The following VTI1A variants were observed in gnomAD, a reference collection of about 807,000 sequenced individuals.
VTI1A encodes vesicle transport through interaction with t-SNAREs homolog 1A.
VTI1A carries 22 observed loss-of-function variants against 34.9 expected under a neutral mutation model. That is an observed-to-expected ratio of 0.63 (90% CI 0.45 to 0.90). The LOEUF is 0.90. Among genes scored for constraint, VTI1A ranks in the 40% least tolerant of loss-of-function variants. The pLI is 0.00. For missense variants in VTI1A, 268 were observed against 275.6 expected (o/e 0.97, Z 0.20); for synonymous variants, 87 against 97.3 (o/e 0.89, Z 0.62).
At chr10:112,643,985 T>TAA (rs11288631) in intron 5 of VTI1A, among the ~76,000 whole-genome samples, 1 of 145,606 alleles carries the variant, frequency 6.9e-6, no homozygotes. Flanking sequence ...GAATAGGAGG[T>TAA]AAAAAAAAAA....
intron 7 of VTI1A, among the ~76,000 whole-genome samples, chr10:112,777,167 G>T (rs1357801649): frequency 6.6e-6 from 1 of 152,062 alleles, no homozygotes; most frequent in Non-Finnish European, 1.5e-5. Flanking sequence ...GTCAATTCCT[G>T]TCACTCTTTT....
chr10:112,587,644 TA>T (rs1403030188), intron 5 of VTI1A, among the ~76,000 whole-genome samples: 6 of 152,320 alleles, frequency 3.9e-5, no homozygotes, highest in African/African-American at 1.4e-4. Context: ...CAACTAAATG[TA>T]ATGACATTAC....
intron 5 of VTI1A, among the ~76,000 whole-genome samples, chr10:112,580,944 G>A (rs1027760125): frequency 1.1e-4 from 16 of 152,130 alleles, no homozygotes; most frequent in African/African-American, 3.9e-4. Context: ...TAGCCTGATA[G>A]TCCATAGCAA....
intron 5 of VTI1A, among the ~76,000 whole-genome samples, chr10:112,546,251 A>G (rs1262608226): frequency 1.3e-5 from 2 of 151,786 alleles, no homozygotes; most frequent in Admixed American, 6.6e-5. Context: ...AAATTTGGCC[A>G]GGTAGCTAGC....
intron 3 of VTI1A, among the ~76,000 whole-genome samples, chr10:112,518,764 T>G (rs1206224031): frequency 4.0e-5 from 6 of 150,632 alleles, no homozygotes; most frequent in Admixed American, 1.3e-4. Context: ...CAGTAGAGGG[T>G]GAAACATTGA....
the VTI1A span, among the ~76,000 whole-genome samples, chr10:112,839,941 G>A: frequency 6.6e-6 from 1 of 152,168 alleles, no homozygotes; most frequent in Non-Finnish European, 1.5e-5. Context: ...GGGGCTTCAG[G>A]CACATTCCTG....
At chr10:112,810,132 G>T (rs1304004839) in intron 7 of VTI1A, among the ~76,000 whole-genome samples, 1 of 151,960 alleles carries the variant, frequency 6.6e-6, no homozygotes, top group Non-Finnish European at 1.5e-5. Context: ...GCCTGGCATG[G>T]TGGCTCACAC....
chr10:112,675,626 G>A (rs573702797), intron 7 of VTI1A, among the ~76,000 whole-genome samples: 25 of 152,286 alleles, frequency 1.6e-4, no homozygotes, highest in African/African-American at 6.0e-4. Flanking sequence ...TAACAACACC[G>A]TGCAGCAGAA....
At chr10:112,539,562 T>C (rs1850783491) in intron 5 of VTI1A, among the ~76,000 whole-genome samples, 1 of 152,190 alleles carries the variant, frequency 6.6e-6, no homozygotes, top group African/African-American at 2.4e-5. Flanking sequence ...GTTCTTTTTG[T>C]TTGGGAGCTC....
At chr10:112,808,624 CAAAAAAA>C (rs760656671) in intron 7 of VTI1A, among the ~76,000 whole-genome samples, 2 of 59,592 alleles carry the variant, frequency 3.4e-5, no homozygotes, top group Admixed American at 2.0e-4. Flanking sequence ...GACTCCATCT[CAAAAAAA>C]AAAAAAAAAA....
intron 5 of VTI1A, among the ~76,000 whole-genome samples, chr10:112,582,261 AC>A (rs1843978937): frequency 6.6e-6 from 1 of 152,048 alleles, no homozygotes; most frequent in East Asian, 1.9e-4. Flanking sequence ...CATCATGCAG[AC>A]CTCGATCCCA....
chr10:112,592,481 C>T (rs1844431793), intron 5 of VTI1A, among the ~76,000 whole-genome samples: 1 of 152,208 alleles, frequency 6.6e-6, no homozygotes. Context: ...AAAATCACTC[C>T]TGCATCTGTT....
At chr10:112,788,993 A>T (rs1852378538) in intron 7 of VTI1A, among the ~76,000 whole-genome samples, 1 of 152,154 alleles carries the variant, frequency 6.6e-6, no homozygotes, top group South Asian at 2.1e-4. Context: ...TGATTATCAT[A>T]TCTACACATG....
chr10:112,578,610 T>C (rs1043122005), intron 5 of VTI1A, among the ~76,000 whole-genome samples: 1 of 152,234 alleles, frequency 6.6e-6, no homozygotes, highest in African/African-American at 2.4e-5. Context: ...TTTCAAACTT[T>C]ATCCATATGA....
At chr10:112,642,977 C>CTTTTTTTTTTTTTTTT (rs58619611) in intron 5 of VTI1A, among the ~76,000 whole-genome samples, 72 of 121,006 alleles carry the variant, frequency 6.0e-4, no homozygotes, top group Admixed American at 7.5e-4. Context: ...TTTTTCTTTT[C>CTTTTTTTTTTTTTTTT]TTTTTTTTTT....
chr10:112,779,685 A>G (rs1852056700), intron 7 of VTI1A, among the ~76,000 whole-genome samples: 1 of 152,224 alleles, frequency 6.6e-6, no homozygotes, highest in Admixed American at 6.5e-5. Context: ...CTGTTTCAGC[A>G]TCTCCAATCA....
At chr10:112,853,321 C>T in the VTI1A span, among the ~76,000 whole-genome samples, 2 of 152,202 alleles carry the variant, frequency 1.3e-5, no homozygotes, top group South Asian at 4.1e-4. Flanking sequence ...TTTCTTGAGT[C>T]TTTAAGAATG....
chr10:112,543,234 A>T (rs1205249600), intron 5 of VTI1A, among the ~76,000 whole-genome samples: 1 of 152,140 alleles, frequency 6.6e-6, no homozygotes, highest in African/African-American at 2.4e-5. Context: ...CTAGTTCTAG[A>T]TCCTTGAGGA....
At chr10:112,832,596 A>G in the VTI1A span, 32 of 152,364 alleles carry the variant, frequency 2.1e-4, no homozygotes, top group African/African-American at 7.7e-4. Context: ...TGAATATTTC[A>G]AAGCTGAGGC....
Sources: allele counts gnomAD v4.1 joint callset (sites outside exome capture counted in the v4.1 genomes callset), GRCh38; gene constraint gnomAD v4.1.1; transcripts MANE v1.5; gene names NCBI Gene and HGNC (gene_info 2026-07-23, HGNC 2026-07-21).